Variants in PRKAR2A observed in about 807,000 individuals in gnomAD.
The protein encoded by PRKAR2A is protein kinase cAMP-dependent type II regulatory subunit alpha.
Under a neutral mutation model 51.9 loss-of-function variants are expected in PRKAR2A, and 29 were observed. That is an observed-to-expected ratio of 0.56 (90% CI 0.42 to 0.76). The LOEUF is 0.76. Among genes scored for constraint, PRKAR2A ranks in the 30% least tolerant of loss-of-function variants. The probability of loss-of-function intolerance (pLI) is 0.00; values close to 1 mark genes in which losing one functional copy is unlikely to be tolerated. For synonymous variants in PRKAR2A, 178 were observed against 186.2 expected (o/e 0.96, Z 0.36); for missense variants, 445 against 512.1 (o/e 0.87, Z 1.26).
chr3:48,836,814 TA>T (rs76623272), intron 1 of PRKAR2A, among the ~76,000 whole-genome samples: 648 of 131,866 alleles, frequency 4.9e-3, no homozygotes, highest in Admixed American at 8.4e-3. Context: ...CAATCTCTAC[TA>T]AAAAAAAAAA....
intron 2 of PRKAR2A, among the ~76,000 whole-genome samples, chr3:48,799,157 T>C (rs879353306): frequency 6.6e-6 from 1 of 152,210 alleles, no homozygotes; most frequent in Non-Finnish European, 1.5e-5. Context: ...GTACACAAGT[T>C]ACCTGGAGAA....
In PRKAR2A at chr3:48,807,637, T is replaced by C. The variant is rs778872507; in HGVS notation, c.298+12A>G. The C allele has an allele frequency of 3.2e-6, 5 of 1,570,592 alleles. No individual in the cohort carries two copies. The highest frequency in any genetic ancestry group is 2.2e-5 in the East Asian group (1 of 44,552). On this transcript the variant is annotated intron_variant, in intron 2 of 10. Transcript: ENST00000265563. The stretch of plus-strand genomic sequence containing the variant: ...AACATTTTAGAAGTATGTTATGAAA[T>C]AGAACACATACCTGATACTCGTCTA...
At chr3:48,808,570 G>A (rs572897660) in intron 1 of PRKAR2A, among the ~76,000 whole-genome samples, 14 of 130,790 alleles carry the variant, frequency 1.1e-4, no homozygotes, top group Non-Finnish European at 1.8e-4. Context: ...TTTTAGAGAT[G>A]GAGTTTCATC....
chr3:48,789,883 C>A (rs1390521899), intron 4 of PRKAR2A, among the ~76,000 whole-genome samples: 1 of 151,398 alleles, frequency 6.6e-6, no homozygotes, highest in African/African-American at 2.4e-5. Context: ...TCTTCCTTTT[C>A]TTTCTCTCTT....
downstream of PRKAR2A, among the ~76,000 whole-genome samples, chr3:48,746,288 G>C (rs1477139391): frequency 1.3e-5 from 2 of 150,094 alleles, no homozygotes; most frequent in African/African-American, 4.9e-5. Flanking sequence ...GGAAGCTGAG[G>C]CAGGAAGACT....
chr3:48,797,618 C>G (rs1185406145), intron 2 of PRKAR2A, among the ~76,000 whole-genome samples: 1 of 152,194 alleles, frequency 6.6e-6, no homozygotes, highest in Non-Finnish European at 1.5e-5. Context: ...GTGGCCCATG[C>G]CACTTGTGCA....
At chr3:48,815,327 T>C (rs1045588559) in intron 1 of PRKAR2A, among the ~76,000 whole-genome samples, 3 of 151,186 alleles carry the variant, frequency 2.0e-5, no homozygotes, top group Non-Finnish European at 4.4e-5. Flanking sequence ...ATGATATACA[T>C]ACATATTTTA....
intron 1 of PRKAR2A, among the ~76,000 whole-genome samples, chr3:48,815,892 G>C (rs1392637884): frequency 6.6e-6 from 1 of 151,116 alleles, no homozygotes; most frequent in Non-Finnish European, 1.5e-5. Flanking sequence ...GGTGGCACGC[G>C]CCTGTAATCC....
rs986602422 is a variant in PRKAR2A at position 48,751,335 on chromosome 3, A to C, written c.*250T>G. The C allele has an allele frequency of 1.1e-5, 7 of 644,464 alleles. No homozygotes were observed. The highest frequency in any genetic ancestry group is 1.7e-5 in the Non-Finnish European group (6 of 349,430). 39.9% of individuals were successfully genotyped at this position (644,464 alleles called of 1,614,324 possible). A position where few individuals can be genotyped will look rare whatever the true frequency, so the allele number is the denominator to read the frequency against. ...TGCCGTTTTGAACCAAAGATATAAA[A>C]ACTGGGTTGGAGTAATCTTTACAAG... is the stretch of plus-strand genomic sequence containing the variant. On this transcript the variant is annotated 3_prime_UTR_variant, in exon 11 of 11. Transcript: ENST00000265563.
rs190965404 is a variant in PRKAR2A at position 48,762,510 on chromosome 3, C to T, written c.873+2494G>A. ...ATTAGCTGGGCAGAGTGACACGTGC[C>T]TCTGGTCCCAGCTACTCGGGAGGCT... On this transcript the variant is annotated intron_variant, in intron 8 of 10. Transcript: ENST00000265563. Among the ~76,000 whole-genome samples the T allele has an allele frequency of 1.6e-3, 247 of 152,276 alleles. 4 individuals carry two copies. Among genetic ancestry groups the T allele is most frequent in the Middle Eastern group, 3.4e-3 (1 of 294 alleles).
intron 1 of PRKAR2A, among the ~76,000 whole-genome samples, chr3:48,830,127 T>G (rs1164798203): frequency 6.7e-6 from 1 of 149,222 alleles, no homozygotes; most frequent in African/African-American, 2.5e-5. Context: ...CACTCGAACC[T>G]GGGAAGCGGA....
intron 3 of PRKAR2A, 60 bp downstream of exon 3, chr3:48,793,937 A>G (rs1192803881): frequency 1.5e-6 from 2 of 1,295,566 alleles, no homozygotes; most frequent in Non-Finnish European, 2.2e-6. Flanking sequence ...TGGTATGTAG[A>G]GAAGGGGAGT....
At chr3:48,769,432 C>T (rs1178806270) in intron 6 of PRKAR2A, among the ~76,000 whole-genome samples, 1 of 151,612 alleles carries the variant, frequency 6.6e-6, no homozygotes, top group African/African-American at 2.4e-5. Context: ...GCTGGTATTA[C>T]AGGCGTGAGC....
At chr3:48,815,176 A>T (rs2082853511) in intron 1 of PRKAR2A, among the ~76,000 whole-genome samples, 1 of 152,080 alleles carries the variant, frequency 6.6e-6, no homozygotes, top group Admixed American at 6.6e-5. Flanking sequence ...GGCCTCCCAA[A>T]GTGCTGGAAT....
chr3:48,777,908 C>T (rs1238033877), intron 5 of PRKAR2A, among the ~76,000 whole-genome samples: 1 of 152,218 alleles, frequency 6.6e-6, no homozygotes, highest in Non-Finnish European at 1.5e-5. Context: ...ACATAGAATT[C>T]AGTGTTTTTA....
intron 1 of PRKAR2A, among the ~76,000 whole-genome samples, chr3:48,823,648 T>C (rs2083007126): frequency 6.6e-6 from 1 of 151,508 alleles, no homozygotes; most frequent in South Asian, 2.1e-4. Flanking sequence ...TAGCTGGGTA[T>C]GGTGGCGCAC....
At chr3:48,839,394 G>T in intron 1 of PRKAR2A, among the ~76,000 whole-genome samples, 1 of 142,984 alleles carries the variant, frequency 7.0e-6, no homozygotes, top group Non-Finnish European at 1.5e-5. Context: ...CTATAAAGCT[G>T]TTACCTAAAA....
At chr3:48,773,339 C>CTTTTTTTTTTTT (rs34140561) in intron 5 of PRKAR2A, among the ~76,000 whole-genome samples, 3 of 87,660 alleles carry the variant, frequency 3.4e-5, no homozygotes, top group African/African-American at 4.7e-5. Flanking sequence ...ATTTTCTTTT[C>CTTTTTTTTTTTT]TTTTTTTTTT....
chr3:48,789,204 T>C (rs969340078), intron 4 of PRKAR2A, among the ~76,000 whole-genome samples: 2 of 152,122 alleles, frequency 1.3e-5, no homozygotes, highest in Non-Finnish European at 2.9e-5. Context: ...TTGGAGAAAG[T>C]GCCAAAGCAG....
Sources: allele counts gnomAD v4.1 joint callset (sites outside exome capture counted in the v4.1 genomes callset), GRCh38; gene constraint gnomAD v4.1.1; transcripts MANE v1.5; gene names NCBI Gene and HGNC (gene_info 2026-07-23, HGNC 2026-07-21).